CELF4: variants seen among roughly 807,000 people sequenced by gnomAD.
The protein encoded by CELF4 is CUG-BP- and ETR-3-like factor 4.
In CELF4, 18 loss-of-function variants were observed where a neutral mutation model predicts 59.9. The ratio of observed to expected loss-of-function variants is 0.30; its 90% CI spans 0.21 to 0.45. The LOEUF (loss-of-function observed/expected upper bound fraction) is 0.45. Ranked by LOEUF, CELF4 falls within the 20% of genes least tolerant of loss-of-function variation. CELF4 has a pLI of 1.00. For missense variants in CELF4, 456 were observed against 689.0 expected (o/e 0.66, Z 3.79); for synonymous variants, 261 against 267.1 (o/e 0.98, Z 0.22).
intron 12 of CELF4, chr18:37,247,633 G>GCACA (rs952049783): frequency 6.6e-6 from 1 of 151,160 alleles, no homozygotes; most frequent in African/African-American, 2.4e-5. Context: ...ACACACACAC[G>GCACA]CACACACACA....
At chr18:37,273,221 C>A in intron 6 of CELF4, 58 bp from the exon 7 acceptor site, 2 of 1,566,938 alleles carry the variant, frequency 1.3e-6, no homozygotes, top group Admixed American at 1.7e-5. Flanking sequence ...CCCTCCCCGA[C>A]AGGGGCCTCA....
At chr18:37,362,749 T>A (rs1054621898) in intron 2 of CELF4, among the ~76,000 whole-genome samples, 1 of 152,120 alleles carries the variant, frequency 6.6e-6, no homozygotes, top group South Asian at 2.1e-4. Context: ...TCTCCCTCTC[T>A]TGCCAGTCAC....
At chr18:37,343,239 G>A (rs923871473) in intron 2 of CELF4, among the ~76,000 whole-genome samples, 4 of 152,302 alleles carry the variant, frequency 2.6e-5, no homozygotes, top group Non-Finnish European at 4.4e-5. Flanking sequence ...GGGAATGACT[G>A]CGTCTGTGTC....
intron 2 of CELF4, among the ~76,000 whole-genome samples, chr18:37,391,472 A>G (rs184801546): frequency 7.2e-5 from 11 of 152,282 alleles, no homozygotes; most frequent in African/African-American, 2.6e-4. Flanking sequence ...AGCACTTGCC[A>G]AGGTCCCATG....
At chr18:37,330,860 G>A (rs72885310) in intron 2 of CELF4, among the ~76,000 whole-genome samples, 62 of 152,198 alleles carry the variant, frequency 4.1e-4, no homozygotes, top group Non-Finnish European at 7.1e-4. Flanking sequence ...AAAGTGGCGC[G>A]TTGCACCTTT....
At chr18:37,550,020 G>A (rs1170739092) in intron 1 of CELF4, among the ~76,000 whole-genome samples, 7 of 119,508 alleles carry the variant, frequency 5.9e-5, no homozygotes, top group Admixed American at 4.9e-4. Flanking sequence ...AAGCTGGGAG[G>A]AAGAAAACTA....
At chr18:37,502,807 A>G (rs1041130856) in intron 1 of CELF4, among the ~76,000 whole-genome samples, 1 of 152,134 alleles carries the variant, frequency 6.6e-6, no homozygotes, top group South Asian at 2.1e-4. Context: ...CCTCGGTAAC[A>G]TCTCACCTCG....
At chr18:37,315,101 T>A (rs2096821889) in intron 3 of CELF4, among the ~76,000 whole-genome samples, 2 of 152,024 alleles carry the variant, frequency 1.3e-5, no homozygotes, top group African/African-American at 4.8e-5. Context: ...GGAAGGTGGT[T>A]TTCTTTCTTG....
chr18:37,272,572 G>GAAAA (rs397692958), intron 7 of CELF4, among the ~76,000 whole-genome samples: 73 of 104,852 alleles, frequency 7.0e-4, no homozygotes, highest in East Asian at 8.8e-4. Context: ...AAAGGGAAAT[G>GAAAA]AAAAAAAAAA....
Position 37,321,811 on chromosome 18 carries a change from G to A in CELF4, c.440C>T (p.Pro147Leu). Residue 147 changes from proline (P) to leucine (L), a missense_variant, in exon 3 of 13, where the codon CCC becomes CTC. Pro to Leu is a moderately conservative substitution (Grantham distance 98). Transcript: ENST00000420428. ...GACAAGTGGGCCCTCACGTGAAGGG[G>A]GCTGGCGCAGGCAGCTACTACCTCC... ...SRGGSSCLRQ[P>L]PSQDRKLFVG... The A allele has an allele frequency of 6.2e-7, 1 of 1,611,938 alleles. No homozygotes were observed. Among genetic ancestry groups the A allele is most frequent in the East Asian group, 2.2e-5 (1 of 44,744 alleles).
At chr18:37,355,735 C>T (rs2098552713) in intron 2 of CELF4, among the ~76,000 whole-genome samples, 1 of 152,096 alleles carries the variant, frequency 6.6e-6, no homozygotes, top group South Asian at 2.1e-4. Context: ...GAGAGAGTGC[C>T]ATGATGAAGA....
chr18:37,426,578 A>G (rs2099613947), intron 2 of CELF4, among the ~76,000 whole-genome samples: 1 of 152,070 alleles, frequency 6.6e-6, no homozygotes, highest in Non-Finnish European at 1.5e-5. Flanking sequence ...GAATGATTGC[A>G]TTTCCTAAGT....
At chr18:37,478,606 GC>G (rs2099857284) in intron 2 of CELF4, among the ~76,000 whole-genome samples, 1 of 152,226 alleles carries the variant, frequency 6.6e-6, no homozygotes, top group African/African-American at 2.4e-5. Flanking sequence ...TGTGGGCACA[GC>G]CCCAGGGAGA....
At chr18:37,403,162 T>A (rs2099349531) in intron 2 of CELF4, among the ~76,000 whole-genome samples, 2 of 143,432 alleles carry the variant, frequency 1.4e-5, no homozygotes, top group African/African-American at 5.2e-5. Flanking sequence ...GGAAGAGGGC[T>A]GGGGTTGGGG....
At chr18:37,385,204 C>T (rs1019834783) in intron 2 of CELF4, among the ~76,000 whole-genome samples, 3 of 151,754 alleles carry the variant, frequency 2.0e-5, no homozygotes, top group African/African-American at 4.8e-5. Flanking sequence ...AAAAATTAGC[C>T]GGGTGTGGTG....
intron 3 of CELF4, 39 bp downstream of exon 3, chr18:37,321,764 G>C: frequency 1.4e-6 from 2 of 1,438,980 alleles, no homozygotes; most frequent in Non-Finnish European, 1.9e-6. Flanking sequence ...GGAGGAGTGA[G>C]AGGGGGAGGG....
intron 3 of CELF4, chr18:37,306,051 C>T (rs1349203115): frequency 6.6e-6 from 1 of 152,230 alleles, no homozygotes; most frequent in Non-Finnish European, 1.5e-5. Context: ...TGGGCTTCTG[C>T]CCTGATGGGG....
chr18:37,438,268 G>T (rs1454670556), intron 2 of CELF4, among the ~76,000 whole-genome samples: 9 of 152,204 alleles, frequency 5.9e-5, no homozygotes, highest in Admixed American at 5.9e-4. Context: ...GAGTGGGTTG[G>T]TTCCAGACTA....
chr18:37,487,371 G>A (rs888980487), intron 1 of CELF4, among the ~76,000 whole-genome samples: 15 of 152,316 alleles, frequency 9.8e-5, no homozygotes, highest in African/African-American at 3.4e-4. Flanking sequence ...TCAGCTCCCA[G>A]TGCCCCCTCT....
Sources: gnomAD v4.1 joint callset for allele counts (sites outside exome capture counted in the v4.1 genomes callset) on GRCh38, gnomAD v4.1.1 for gene constraint, MANE v1.5 for transcripts, NCBI Gene and HGNC (gene_info 2026-07-23, HGNC 2026-07-21) for gene names.